PLEKHA6: variants seen among roughly 807,000 people sequenced by gnomAD.
PLEKHA6 encodes the protein pleckstrin homology domain containing A6.
Under a neutral mutation model 116.7 loss-of-function variants are expected in PLEKHA6, and 60 were observed. The ratio of observed to expected loss-of-function variants is 0.51; its 90% confidence interval spans 0.42 to 0.64. The LOEUF (loss-of-function observed/expected upper bound fraction) is 0.64, where lower values mean the gene tolerates loss of function less well. PLEKHA6 is among the 30% of genes least tolerant of loss of function. The pLI, the probability that PLEKHA6 is intolerant of heterozygous loss-of-function variation, is 0.00. For missense variants in PLEKHA6, 1,338 were observed against 1,422.7 expected (o/e 0.94, Z 0.96); for synonymous variants, 489 against 556.1 (o/e 0.88, Z 1.70).
At chr1:204,237,977 G>T (rs781715117) in intron 17 of PLEKHA6, among the ~76,000 whole-genome samples, 9 of 152,198 alleles carry the variant, frequency 5.9e-5, no homozygotes, top group Non-Finnish European at 1.0e-4. Context: ...AATTTCCAGG[G>T]GTACAGTGGT....
At chr1:204,312,052 G>C (rs572126044) in intron 1 of PLEKHA6, among the ~76,000 whole-genome samples, 1 of 152,198 alleles carries the variant, frequency 6.6e-6, no homozygotes, top group African/African-American at 2.4e-5. Flanking sequence ...TCTGGAGGTG[G>C]GTGGTGGTAT....
intron 9 of PLEKHA6, among the ~76,000 whole-genome samples, chr1:204,254,351 C>T (rs1360671117): frequency 1.3e-5 from 2 of 152,162 alleles, no homozygotes; most frequent in Non-Finnish European, 2.9e-5. Flanking sequence ...ATTACAAAAT[C>T]GAATTGCGAC....
intron 1 of PLEKHA6, among the ~76,000 whole-genome samples, chr1:204,325,332 G>T (rs984095976): frequency 1.3e-5 from 2 of 152,182 alleles, no homozygotes; most frequent in East Asian, 1.9e-4. Context: ...TTAGAGGGCT[G>T]CCAGGGGGAG....
chr1:204,299,075 C>T (rs1351576381), intron 1 of PLEKHA6, among the ~76,000 whole-genome samples: 2 of 152,212 alleles, frequency 1.3e-5, no homozygotes, highest in African/African-American at 4.8e-5. Context: ...CTGAGAGACA[C>T]CCCAGCTCCC....
At chr1:204,312,243 C>G (rs1220210812) in intron 1 of PLEKHA6, among the ~76,000 whole-genome samples, 1 of 152,220 alleles carries the variant, frequency 6.6e-6, no homozygotes, top group East Asian at 1.9e-4. Flanking sequence ...CTCACTCTGT[C>G]CCTGAAATGT....
chr1:204,224,867 T>TA (rs1320386721), intron 21 of PLEKHA6, among the ~76,000 whole-genome samples: 1 of 152,168 alleles, frequency 6.6e-6, no homozygotes, highest in African/African-American at 2.4e-5. Flanking sequence ...TCTCAACTTC[T>TA]AAAACAGCCA....
At position 204,322,221 on chromosome 1, in the gene PLEKHA6, G is replaced by A. The variant is rs142007338; in HGVS notation, c.-95+37473C>T. Among the ~76,000 whole-genome samples the A allele has an allele frequency of 3.4e-3, 523 of 152,132 alleles. 5 individuals are homozygous for A. The highest frequency in any genetic ancestry group is 0.012 in the African/African-American group (507 of 41,512). On this transcript the variant is annotated intron_variant, in intron 1 of 22. Transcript: ENST00000272203. ...CAGGACCTCAGGTCCGTCTGAACCCGCCCCCCTACACACACCCCTTTAGTC... is the reference window on the plus strand; with the variant it reads ...CAGGACCTCAGGTCCGTCTGAACCCACCCCCCTACACACACCCCTTTAGTC...
At chr1:204,377,282 G>C (rs1198058113) in intron 1 of PLEKHA6, among the ~76,000 whole-genome samples, 1 of 152,196 alleles carries the variant, frequency 6.6e-6, no homozygotes, top group Non-Finnish European at 1.5e-5. Flanking sequence ...CTGGGCATTG[G>C]TCTAGTCATC....
intron 17 of PLEKHA6, among the ~76,000 whole-genome samples, chr1:204,235,434 G>A (rs148732864): frequency 0.012 from 1,817 of 152,186 alleles, 103 homozygotes; most frequent in Admixed American, 0.095. Context: ...ATGAACTCAG[G>A]GATTCTATCT....
chr1:204,320,439 T>C (rs1672018502), intron 1 of PLEKHA6: 2 of 953,518 alleles, frequency 2.1e-6, no homozygotes, highest in Admixed American at 6.2e-5. Context: ...CCCAGGAGAC[T>C]GTGGGTGGGA....
chr1:204,264,314 G>A (rs1035459558), intron 6 of PLEKHA6, among the ~76,000 whole-genome samples: 2 of 152,122 alleles, frequency 1.3e-5, no homozygotes, highest in African/African-American at 2.4e-5. Context: ...CATCTTTAAC[G>A]GGTGGCTCCC....
chr1:204,281,475 A>T (rs972978902), intron 1 of PLEKHA6, among the ~76,000 whole-genome samples: 4 of 152,062 alleles, frequency 2.6e-5, no homozygotes, highest in African/African-American at 9.7e-5. Flanking sequence ...CAGTGAGCCG[A>T]GATTGCGCCA....
chr1:204,260,175 G>A (rs1317509607), intron 7 of PLEKHA6, among the ~76,000 whole-genome samples: 1 of 152,188 alleles, frequency 6.6e-6, no homozygotes, highest in Admixed American at 6.5e-5. Flanking sequence ...ACAAAGGCTT[G>A]TCACGGGGCA....
chr1:204,333,694 G>A (rs1454574804), intron 1 of PLEKHA6, among the ~76,000 whole-genome samples: 1 of 152,152 alleles, frequency 6.6e-6, no homozygotes, highest in Non-Finnish European at 1.5e-5. Context: ...CAGCAGGCCA[G>A]GCCTCAGCTT....
chr1:204,336,814 A>C (rs1281888297), intron 1 of PLEKHA6, among the ~76,000 whole-genome samples: 2 of 152,190 alleles, frequency 1.3e-5, no homozygotes, highest in Non-Finnish European at 2.9e-5. Flanking sequence ...ACAGAATCAC[A>C]AAAGCTAGCA....
intron 2 of PLEKHA6, chr1:204,369,675 C>T (rs1247743010): frequency 1.3e-5 from 2 of 152,218 alleles, no homozygotes; most frequent in Non-Finnish European, 2.9e-5. Context: ...CGGCAAGCTC[C>T]GGGGGCATCT....
At position 204,244,991 on chromosome 1, in the gene PLEKHA6, G is replaced by A; in HGVS notation, c.2045C>T (p.Pro682Leu). The A allele has an allele frequency of 1.3e-5, 19 of 1,438,786 alleles. No homozygotes were observed. The highest frequency in any genetic ancestry group is 1.6e-5 in the Non-Finnish European group (18 of 1,094,464). 89.1% of individuals were successfully genotyped at this position (1,438,786 alleles called of 1,614,324 possible). Residue 682 changes from proline (P) to leucine (L), a missense_variant, in exon 15 of 23, where the codon CCC becomes CTC. Physicochemically the swap from Pro to Leu is moderately conservative, Grantham distance 98. Coordinates refer to ENST00000272203, the MANE Select transcript of PLEKHA6 (RefSeq NM_014935.5). ...DTAKHRGGLG[P>L]SATYSSNSPA... is the part of the protein sequence containing the mutation. ...GCTGTTGGAGCTGTAGGTGGCTGAGGGGCCAAGTCCTCCTTGGGGGAAACA... is the reference window on the plus strand; with the variant it reads ...GCTGTTGGAGCTGTAGGTGGCTGAGAGGCCAAGTCCTCCTTGGGGGAAACA...
At chr1:204,303,459 C>CA (rs1328524019) in intron 1 of PLEKHA6, among the ~76,000 whole-genome samples, 1 of 152,156 alleles carries the variant, frequency 6.6e-6, no homozygotes, top group Non-Finnish European at 1.5e-5. Context: ...GAATGAACCT[C>CA]AAAAAAGAGC....
chr1:204,347,165 G>A (rs774918485), intron 1 of PLEKHA6: 79 of 1,123,284 alleles, frequency 7.0e-5, no homozygotes, highest in Non-Finnish European at 8.7e-5. Context: ...TTATAGACTC[G>A]CATATACGTG....
Sources: gnomAD v4.1 joint callset for allele counts (sites outside exome capture counted in the v4.1 genomes callset) on GRCh38, gnomAD v4.1.1 for gene constraint, MANE v1.5 for transcripts, NCBI Gene and HGNC (gene_info 2026-07-23, HGNC 2026-07-21) for gene names.